The following DHCR7 variants were observed in gnomAD, a reference collection of about 807,000 sequenced individuals.
The protein encoded by DHCR7 is 7-dehydrocholesterol reductase.
In DHCR7, 40 loss-of-function variants were observed where a neutral mutation model predicts 43.3. That is an observed-to-expected ratio of 0.92 (90% CI 0.72 to 1.20). The LOEUF is 1.20. DHCR7 is among the 50% of genes most tolerant of loss of function. The pLI is 0.00. For missense variants in DHCR7, 608 were observed against 644.6 expected, an observed-to-expected ratio of 0.94 and a Z score of 0.62; for synonymous variants, 298 against 271.4, an observed-to-expected ratio of 1.10 and a Z score of -0.96.
At chr11:71,447,376 G>C (rs140695598) in intron 2 of DHCR7, among the ~76,000 whole-genome samples, 1 of 152,338 alleles carries the variant, frequency 6.6e-6, no homozygotes, top group East Asian at 1.9e-4. Flanking sequence ...ATTCACCCAG[G>C]AGTCAGCTCT....
At chr11:71,446,431 AT>A (rs1311195417) in intron 2 of DHCR7, among the ~76,000 whole-genome samples, 1 of 152,248 alleles carries the variant, frequency 6.6e-6, no homozygotes, top group Non-Finnish European at 1.5e-5. Flanking sequence ...TTTATTGACT[AT>A]TGTATGCACA....
intron 6 of DHCR7, 65 bp downstream of exon 6, chr11:71,441,162 C>T (rs941247509): frequency 1.3e-6 from 2 of 1,488,726 alleles, no homozygotes; most frequent in African/African-American, 2.8e-5. Context: ...CCCCAGGCAG[C>T]AAGAAAGGCC....
At chr11:71,440,193 G>T (rs1949333650) in intron 6 of DHCR7, among the ~76,000 whole-genome samples, 1 of 152,188 alleles carries the variant, frequency 6.6e-6, no homozygotes, top group Admixed American at 6.5e-5. Context: ...GGCTAGGAGG[G>T]CCTGAGAGGG....
chr11:71,437,664 G>A, intron 8 of DHCR7, 148 bp downstream of exon 8: 1 of 1,189,332 alleles, frequency 8.4e-7, no homozygotes. Flanking sequence ...GCCCAAGCTG[G>A]CTGAGCTGGC....
chr11:71,427,442 G>C (rs1364613961), downstream of DHCR7, among the ~76,000 whole-genome samples: 1 of 152,160 alleles, frequency 6.6e-6, no homozygotes, highest in Non-Finnish European at 1.5e-5. Flanking sequence ...TTGAAAAATT[G>C]ATATGTTTAC....
At position 71,444,965 on chromosome 11, in the gene DHCR7, G is replaced by A. The variant is rs1331937558; in HGVS notation, c.-6-7C>T. The A allele has an allele frequency of 6.2e-7, 1 of 1,611,668 alleles. No individual in the cohort carries two copies. Among genetic ancestry groups the A allele is most frequent in the Non-Finnish European group, 8.5e-7 (1 of 1,177,750 alleles). ...ATTTTGCAGCCATTGGGCCCTGCAA[G>A]AAAGAGAACCTTGCTTACATTATCC... On this transcript the variant is annotated splice_polypyrimidine_tract_variant and splice_region_variant and intron_variant, in intron 2 of 8. Transcript: ENST00000355527.
rs5792559 is a variant in DHCR7 at position 71,436,662 on chromosome 11, C to CA, written c.964-824dup. On this transcript the variant is annotated intron_variant, in intron 8 of 8. Transcript: ENST00000355527. Reference sequence around the variant, plus strand: ...TGTGTGACAGAGCGAGACTCCGTCTCAAAAAAAAAAAAAAAGTGACCTTCT... The same window carrying CA: ...TGTGTGACAGAGCGAGACTCCGTCTCAAAAAAAAAAAAAAAAGTGACCTTCT... Among the ~76,000 whole-genome samples, 36 of 144,032 alleles carry CA rather than the reference C, an allele frequency of 2.5e-4. No homozygotes were observed. In the South Asian group the frequency reaches 3.1e-3, roughly 12 times the overall value. 94.5% of individuals were successfully genotyped at this position (144,032 alleles called of 152,430 possible).
downstream of DHCR7, among the ~76,000 whole-genome samples, chr11:71,432,236 G>A (rs1029176141): frequency 1.3e-5 from 2 of 152,156 alleles, no homozygotes. Flanking sequence ...GAACTCCTAC[G>A]TACTGTTTAG....
chr11:71,431,561 C>G (rs983989480), downstream of DHCR7, among the ~76,000 whole-genome samples: 1 of 152,200 alleles, frequency 6.6e-6, no homozygotes, highest in Non-Finnish European at 1.5e-5. Context: ...TGGAAACCCC[C>G]CTCCTGGCCA....
downstream of DHCR7, among the ~76,000 whole-genome samples, chr11:71,427,934 C>G (rs905312923): frequency 4.6e-5 from 7 of 152,132 alleles, no homozygotes; most frequent in African/African-American, 1.4e-4. Context: ...AGCAAGTGAA[C>G]CAAAAGGCAT....
At chr11:71,435,911 C>T (rs1268104836) in intron 8 of DHCR7, 72 bp from the exon 9 acceptor site, 1 of 1,306,312 alleles carries the variant, frequency 7.7e-7, no homozygotes, top group Non-Finnish European at 1.1e-6. Context: ...GCTCGGGGGC[C>T]CAGCGGCCTG....
At chr11:71,440,616 T>A (rs1475683471) in intron 6 of DHCR7, among the ~76,000 whole-genome samples, 1 of 144,394 alleles carries the variant, frequency 6.9e-6, no homozygotes, top group African/African-American at 2.6e-5. Flanking sequence ...GGTGGGTGGA[T>A]GTGGGTGATG....
At chr11:71,437,122 G>A (rs1017356086) in intron 8 of DHCR7, among the ~76,000 whole-genome samples, 5 of 152,154 alleles carry the variant, frequency 3.3e-5, no homozygotes, top group African/African-American at 1.2e-4. Context: ...GGTTTTCCAG[G>A]ACACCCGCAC....
At chr11:71,433,299 C>T (rs947311953), downstream of DHCR7, among the ~76,000 whole-genome samples, 5 of 152,218 alleles carry the variant, frequency 3.3e-5, no homozygotes, top group East Asian at 1.9e-4. Flanking sequence ...ACCCTGTTCT[C>T]GCCCAGAGAG....
Position 71,435,204 on chromosome 11 carries a change from GCAAGGAACAGA to G in DHCR7, c.*160_*170del. 1 of 401,880 alleles carries G rather than the reference GCAAGGAACAGA, an allele frequency of 2.5e-6. No individual in the cohort carries two copies. The highest frequency in any genetic ancestry group is 3.8e-6 in the Non-Finnish European group (1 of 260,676). 24.9% of individuals were successfully genotyped at this position (401,880 alleles called of 1,614,324 possible). A position where few individuals can be genotyped will look rare whatever the true frequency, so the allele number is the denominator to read the frequency against. ...ACTCGGAATTCCCTTGAAGGCAAAA[GCAAGGAACAGA>G]GCGTGATTAGGTACTGGACACCTGC... On this transcript the variant is annotated 3_prime_UTR_variant, in exon 9 of 9. Coordinates refer to ENST00000355527, the MANE Select transcript of DHCR7 (RefSeq NM_001360.3).
At chr11:71,436,099 C>T (rs1029620390) in intron 8 of DHCR7, 14 of 482,400 alleles carry the variant, frequency 2.9e-5, no homozygotes, top group Non-Finnish European at 3.7e-5. Context: ...TGACATATAG[C>T]ATAAACATCA....
downstream of DHCR7, among the ~76,000 whole-genome samples, chr11:71,432,760 G>T (rs1038865469): frequency 2.0e-5 from 3 of 152,154 alleles, no homozygotes; most frequent in African/African-American, 4.8e-5. Flanking sequence ...TCTGTCATTT[G>T]GGGTGAGTTG....
chr11:71,442,591 C>A (rs1049384158), intron 4 of DHCR7, among the ~76,000 whole-genome samples: 1 of 152,148 alleles, frequency 6.6e-6, no homozygotes, highest in African/African-American at 2.4e-5. Flanking sequence ...CTCAGGAGAG[C>A]GCACAGGTCC....
chr11:71,427,575 C>T (rs1368785618), downstream of DHCR7, among the ~76,000 whole-genome samples: 1 of 152,102 alleles, frequency 6.6e-6, no homozygotes, highest in African/African-American at 2.4e-5. Context: ...TTCTGCATAA[C>T]TATTGTGGGG....
Sources: gnomAD v4.1 joint callset for allele counts (sites outside exome capture counted in the v4.1 genomes callset) on GRCh38, gnomAD v4.1.1 for gene constraint, MANE v1.5 for transcripts, NCBI Gene and HGNC (gene_info 2026-07-23, HGNC 2026-07-21) for gene names.